Variants in TRIM2 observed in about 807,000 individuals in gnomAD.
The protein encoded by TRIM2 is tripartite motif containing 2.
In TRIM2, 20 loss-of-function variants were observed where a neutral mutation model predicts 75.2. The observed-to-expected ratio is 0.27, with a 90% CI of 0.19 to 0.39. The LOEUF (loss-of-function observed/expected upper bound fraction) is 0.39, where lower values mean the gene tolerates loss of function less well. TRIM2 is among the 10% of genes least tolerant of loss of function. TRIM2 has a pLI of 1.00. For synonymous variants in TRIM2, 373 were observed against 388.3 expected (o/e 0.96, Z 0.46); for missense variants, 660 against 990.8 (o/e 0.67, Z 4.48).
chr4:153,268,698 G>A (rs1478267695), intron 1 of TRIM2, among the ~76,000 whole-genome samples: 1 of 152,156 alleles, frequency 6.6e-6, no homozygotes, highest in East Asian at 1.9e-4. Context: ...CTTTAAGGTG[G>A]TAAAAGGAGC....
At chr4:153,205,490 C>A (rs951278451) in intron 1 of TRIM2, among the ~76,000 whole-genome samples, 2 of 152,076 alleles carry the variant, frequency 1.3e-5, no homozygotes, top group Non-Finnish European at 2.9e-5. Context: ...CTGGGAGTTG[C>A]TTTAGAAAGT....
At chr4:153,152,834 T>G (rs1044056394), upstream of TRIM2, among the ~76,000 whole-genome samples, 2 of 152,200 alleles carry the variant, frequency 1.3e-5, no homozygotes, top group African/African-American at 4.8e-5. Flanking sequence ...GCCTGCCTCT[T>G]GTTTTGTTTC....
chr4:153,225,677 A>G (rs1363838223), intron 1 of TRIM2, among the ~76,000 whole-genome samples: 1 of 152,192 alleles, frequency 6.6e-6, no homozygotes, highest in Non-Finnish European at 1.5e-5. Flanking sequence ...ATAGGTAGAG[A>G]GGAAATTAAG....
At chr4:153,278,067 T>C (rs1051377309) in intron 3 of TRIM2, among the ~76,000 whole-genome samples, 3 of 152,186 alleles carry the variant, frequency 2.0e-5, no homozygotes, top group Non-Finnish European at 4.4e-5. Context: ...AGTAAAGTCT[T>C]AGAAACATTA....
rs138879605 is a variant in TRIM2, at chr4:153,322,734, G to C, written c.1869G>C (p.Ala623=). The change falls in exon 9 of 12, where the codon GCG becomes GCC. Residue 623 remains alanine (A), a synonymous_variant. Transcript: ENST00000338700. ...ACATTATTGTTGTGGACAACAAGGC[G>C]TGCTGCGTGTTTATCTTCCAGCCAA... ...NGHIIVVDNK[A]CCVFIFQPNG... is the part of the protein sequence containing the mutation. 5 of 1,614,236 alleles carry C rather than the reference G, an allele frequency of 3.1e-6. No homozygotes were observed. Among genetic ancestry groups the C allele is most frequent in the Non-Finnish European group, 3.4e-6 (4 of 1,180,040 alleles).
At position 153,293,066 on chromosome 4, in the gene TRIM2, C is replaced by T. The variant is rs1230915093; in HGVS notation, c.538C>T (p.Pro180Ser). The T allele has an allele frequency of 6.2e-7, 1 of 1,613,808 alleles. No homozygotes were observed. The highest frequency in any genetic ancestry group is 2.2e-5 in the East Asian group (1 of 44,866). Residue 180 changes from proline to serine, a missense_variant, in exon 4 of 12, where the codon CCA (proline) becomes TCA (serine). Transcript: ENST00000338700. The part of the protein sequence containing the change: ...EGEHAEHPTV[P>S]LKDVVEQHKA... ...GGAGCACGCAGAGCACCCCACAGTT[C>T]CACTCAAGGATGTGGTGGAACAGCA... is the stretch of plus-strand genomic sequence containing the variant.
At chr4:153,294,243 G>C in intron 4 of TRIM2, 62 bp from the exon 5 acceptor site, 2 of 1,549,634 alleles carry the variant, frequency 1.3e-6, no homozygotes, top group Admixed American at 1.9e-5. Context: ...GTAGTGTTTA[G>C]ATAGATTTTG....
At chr4:153,241,320 C>T (rs921288057) in intron 1 of TRIM2, among the ~76,000 whole-genome samples, 2 of 152,158 alleles carry the variant, frequency 1.3e-5, no homozygotes, top group Non-Finnish European at 2.9e-5. Context: ...GGCTGGACAC[C>T]CAGTCCTTCC....
At chr4:153,286,381 A>G (rs1157606308) in intron 3 of TRIM2, among the ~76,000 whole-genome samples, 1 of 152,048 alleles carries the variant, frequency 6.6e-6, no homozygotes. Flanking sequence ...ATTTTTTTTT[A>G]AGAGTTTAAG....
intron 1 of TRIM2, among the ~76,000 whole-genome samples, chr4:153,244,496 AG>A (rs1319777363): frequency 3.4e-5 from 5 of 148,056 alleles, no homozygotes; most frequent in African/African-American, 9.9e-5. Context: ...CCTGGGCTCA[AG>A]CAATCCTCCT....
intron 3 of TRIM2, among the ~76,000 whole-genome samples, chr4:153,287,091 G>C (rs1313141524): frequency 6.6e-6 from 1 of 151,814 alleles, no homozygotes; most frequent in Non-Finnish European, 1.5e-5. Flanking sequence ...TGATATTCCT[G>C]CCTCAGCCTC....
chr4:153,298,436 A>G (rs926103200), intron 6 of TRIM2, among the ~76,000 whole-genome samples: 1 of 152,158 alleles, frequency 6.6e-6, no homozygotes, highest in African/African-American at 2.4e-5. Context: ...CTTTGTCCTC[A>G]CATAGTCATC....
intron 11 of TRIM2, among the ~76,000 whole-genome samples, chr4:153,332,641 G>A (rs1350787326): frequency 7.5e-5 from 11 of 147,448 alleles, no homozygotes; most frequent in Admixed American, 2.0e-4. Context: ...GTGAAATTTC[G>A]TCTCAAAAAA....
intron 1 of TRIM2, among the ~76,000 whole-genome samples, chr4:153,208,093 C>G (rs1735967190): frequency 1.3e-5 from 2 of 152,088 alleles, no homozygotes; most frequent in Non-Finnish European, 2.9e-5. Flanking sequence ...GCCAAAAGTT[C>G]AAGACCAGCC....
rs574092512 is a variant in TRIM2, at chr4:153,160,394, G to A, written c.-49+7124G>A. Among the ~76,000 whole-genome samples the A allele has an allele frequency of 8.5e-5, 13 of 152,270 alleles. No homozygotes were observed. In the East Asian group the frequency reaches 2.1e-3, roughly 25 times the overall value. On this transcript the variant is annotated intron_variant, in intron 1 of 11. Transcript: ENST00000437508. ...CACCAATCTCATTAGCTTCTCCAAA[G>A]GAAACAAATAAGTCTTGTGAGCTAC...
chr4:153,316,454 G>C (rs1198220192), intron 8 of TRIM2, among the ~76,000 whole-genome samples: 1 of 152,110 alleles, frequency 6.6e-6, no homozygotes, highest in Non-Finnish European at 1.5e-5. Flanking sequence ...TTTTAAAAAT[G>C]TACAGGCCCA....
intron 1 of TRIM2, among the ~76,000 whole-genome samples, chr4:153,240,761 G>T (rs984424802): frequency 3.9e-5 from 6 of 152,186 alleles, no homozygotes; most frequent in Non-Finnish European, 5.9e-5. Flanking sequence ...GACTGGAGGA[G>T]AATATTTTCA....
At chr4:153,274,490 G>A (rs1429088687) in intron 2 of TRIM2, among the ~76,000 whole-genome samples, 1 of 152,194 alleles carries the variant, frequency 6.6e-6, no homozygotes, top group Non-Finnish European at 1.5e-5. Context: ...TTGAGTTTTA[G>A]GACCTGCAAG....
At chr4:153,294,209 G>T (rs148112122) in intron 4 of TRIM2, 96 bp from the exon 5 acceptor site, 1 of 1,232,250 alleles carries the variant, frequency 8.1e-7, no homozygotes, top group African/African-American at 1.5e-5. Flanking sequence ...ATGATGAAAG[G>T]CATAGAATTT....
Sources: allele counts gnomAD v4.1 joint callset (sites outside exome capture counted in the v4.1 genomes callset), GRCh38; gene constraint gnomAD v4.1.1; transcripts MANE v1.5; gene names NCBI Gene and HGNC (gene_info 2026-07-23, HGNC 2026-07-21).